Variants in ELAPOR2 observed in about 807,000 individuals in gnomAD.
ELAPOR2 encodes endosome/lysosome-associated apoptosis and autophagy regulator family member 2.
Under a neutral mutation model 120.7 loss-of-function variants are expected in ELAPOR2, and 89 were observed. The ratio of observed to expected loss-of-function variants is 0.74; its 90% CI spans 0.62 to 0.88. The LOEUF is 0.88. ELAPOR2 is among the 40% of genes least tolerant of loss of function. ELAPOR2 has a pLI of 0.00. For missense variants in ELAPOR2, 1,134 were observed against 1,251.6 expected (o/e 0.91, Z 1.42); for synonymous variants, 444 against 444.9 (o/e 1.00, Z 0.03).
At chr7:86,945,794 A>G in intron 3 of ELAPOR2, among the ~76,000 whole-genome samples, 1 of 152,184 alleles carries the variant, frequency 6.6e-6, no homozygotes, top group East Asian at 1.9e-4. Flanking sequence ...ACCACAGCAG[A>G]AAAAAATAAT....
At chr7:86,951,262 C>T (rs1791232432) in intron 2 of ELAPOR2, among the ~76,000 whole-genome samples, 1 of 152,062 alleles carries the variant, frequency 6.6e-6, no homozygotes, top group African/African-American at 2.4e-5. Flanking sequence ...CCCACAAAGA[C>T]AAAAATATTG....
At position 86,891,832 on chromosome 7, in the gene ELAPOR2, G is replaced by C. The variant is rs767275064; in HGVS notation, c.2922C>G (p.Leu974=). ...VMTTNSKECE[L]PAADSCAIME... is the part of the protein sequence containing the mutation. ...TGATAGCACAACTGTCTGCAGCCGG[G>C]AGTTCACACTCTTTTGAGTTAGTCG... is the stretch of plus-strand genomic sequence containing the variant. Residue 974 remains leucine (L), a synonymous_variant, in exon 21 of 22, where the codon CTC becomes CTG. Transcript: ENST00000450689. 6.2e-7 allele frequency: 1 copy of C among 1,611,740 alleles called. No homozygotes were observed. Among genetic ancestry groups the C allele is most frequent in the East Asian group, 2.2e-5 (1 of 44,744 alleles).
At chr7:86,987,486 A>T (rs1313033801) in intron 1 of ELAPOR2, among the ~76,000 whole-genome samples, 1 of 152,222 alleles carries the variant, frequency 6.6e-6, no homozygotes, top group Non-Finnish European at 1.5e-5. Flanking sequence ...CAAAGAACTT[A>T]AACAAACTTA....
At chr7:86,941,169 A>G (rs940304658) in intron 5 of ELAPOR2, among the ~76,000 whole-genome samples, 6 of 152,180 alleles carry the variant, frequency 3.9e-5, no homozygotes, top group Non-Finnish European at 7.4e-5. Flanking sequence ...CCCTTCCCAC[A>G]TATCTTCTGA....
At chr7:86,955,132 C>G (rs1170000982) in intron 2 of ELAPOR2, among the ~76,000 whole-genome samples, 20 of 152,058 alleles carry the variant, frequency 1.3e-4, no homozygotes, top group Admixed American at 1.2e-3. Context: ...TTGAATCCAG[C>G]AAATCTCAGA....
intron 21 of ELAPOR2, among the ~76,000 whole-genome samples, chr7:86,889,338 C>T (rs1249879522): frequency 1.3e-5 from 2 of 152,124 alleles, no homozygotes; most frequent in South Asian, 2.1e-4. Context: ...GTTTACTGCT[C>T]ACCAAGTGTG....
intron 4 of ELAPOR2, among the ~76,000 whole-genome samples, chr7:86,944,418 T>C (rs1790919519): frequency 6.6e-6 from 1 of 152,090 alleles, no homozygotes; most frequent in African/African-American, 2.4e-5. Flanking sequence ...TGCAGCCACT[T>C]CTACTTCTGA....
chr7:86,914,689 T>A (rs374155975), intron 13 of ELAPOR2, 34 bp downstream of exon 13: 1 of 1,579,250 alleles, frequency 6.3e-7, no homozygotes, highest in African/African-American at 1.4e-5. Flanking sequence ...CATTAGTGTG[T>A]TTAAAATTTT....
intron 8 of ELAPOR2, among the ~76,000 whole-genome samples, chr7:86,935,015 G>A (rs1048910740): frequency 4.0e-5 from 6 of 151,770 alleles, no homozygotes; most frequent in Non-Finnish European, 7.4e-5. Context: ...TTCTCTCACC[G>A]GGAGAAGGGC....
chr7:86,991,244 T>A, intron 1 of ELAPOR2, among the ~76,000 whole-genome samples: 1 of 152,320 alleles, frequency 6.6e-6, no homozygotes, highest in African/African-American at 2.4e-5. Context: ...AGGTGATTGA[T>A]GTATCAGGTG....
At chr7:86,990,382 G>T (rs1792904558) in intron 1 of ELAPOR2, among the ~76,000 whole-genome samples, 2 of 152,022 alleles carry the variant, frequency 1.3e-5, no homozygotes, top group African/African-American at 4.8e-5. Context: ...TCATGGGAGT[G>T]AGACTGGTGG....
intron 1 of ELAPOR2, among the ~76,000 whole-genome samples, chr7:87,016,234 T>C (rs1213228159): frequency 6.6e-6 from 1 of 152,198 alleles, no homozygotes; most frequent in Admixed American, 6.5e-5. Context: ...AATGTATCTC[T>C]GTTTTCAGAA....
chr7:87,036,913 G>A (rs557228506), intron 1 of ELAPOR2, among the ~76,000 whole-genome samples: 1 of 152,152 alleles, frequency 6.6e-6, no homozygotes, highest in South Asian at 2.1e-4. Flanking sequence ...ACGTACAAAT[G>A]TACCCCAATC....
intron 5 of ELAPOR2, 61 bp downstream of exon 5, chr7:86,941,957 G>A (rs1455135614): frequency 1.0e-6 from 1 of 964,254 alleles, no homozygotes. Context: ...AGAAGAAAAG[G>A]TTGGGGAAAA....
intron 1 of ELAPOR2, among the ~76,000 whole-genome samples, chr7:87,049,746 G>A (rs1795049786): frequency 6.6e-6 from 1 of 152,186 alleles, no homozygotes; most frequent in South Asian, 2.1e-4. Context: ...CACATTCTAG[G>A]AAGAACAAGT....
At chr7:87,041,845 G>C (rs1262280703) in intron 1 of ELAPOR2, among the ~76,000 whole-genome samples, 1 of 151,846 alleles carries the variant, frequency 6.6e-6, no homozygotes, top group African/African-American at 2.4e-5. Flanking sequence ...AGACCCATCA[G>C]TGTGCTGTAT....
chr7:87,015,463 C>T (rs1484043476), intron 1 of ELAPOR2, among the ~76,000 whole-genome samples: 1 of 152,094 alleles, frequency 6.6e-6, no homozygotes, highest in Non-Finnish European at 1.5e-5. Flanking sequence ...AACCTTTTTA[C>T]TAAAAGGCTT....
intron 18 of ELAPOR2, among the ~76,000 whole-genome samples, chr7:86,905,182 A>G (rs200398156): frequency 8.4e-5 from 12 of 143,444 alleles, no homozygotes; most frequent in African/African-American, 2.1e-4. Flanking sequence ...GAAAGAGAGA[A>G]AGAGAGAGAG....
At chr7:86,913,386 T>C (rs548266818) in intron 13 of ELAPOR2, among the ~76,000 whole-genome samples, 182 bp from the exon 14 acceptor site, 194 of 152,322 alleles carry the variant, frequency 1.3e-3, no homozygotes, top group Non-Finnish European at 1.6e-3. Context: ...TAAATCTTGA[T>C]ACTAGAAACT....
Sources: gnomAD v4.1 joint callset for allele counts (sites outside exome capture counted in the v4.1 genomes callset) on GRCh38, gnomAD v4.1.1 for gene constraint, MANE v1.5 for transcripts, NCBI Gene and HGNC (gene_info 2026-07-23, HGNC 2026-07-21) for gene names.